WASL: variants seen among roughly 807,000 people sequenced by gnomAD.
WASL encodes the protein actin nucleation-promoting factor WASL.
Under a neutral mutation model 55.5 loss-of-function variants are expected in WASL, and 20 were observed. The ratio of observed to expected loss-of-function variants is 0.36; its 90% CI spans 0.25 to 0.52. The LOEUF (loss-of-function observed/expected upper bound fraction) is 0.52, where lower values mean the gene tolerates loss of function less well. Among genes scored for constraint, WASL ranks in the 20% least tolerant of loss-of-function variants. WASL has a pLI of 0.92. For missense variants in WASL, 504 were observed against 622.5 expected (o/e 0.81, Z 2.03); for synonymous variants, 249 against 217.6 (o/e 1.14, Z -1.27).
intron 10 of WASL, among the ~76,000 whole-genome samples, chr7:123,687,677 G>A (rs1803315245): frequency 6.6e-6 from 1 of 151,548 alleles, no homozygotes; most frequent in South Asian, 2.1e-4. Flanking sequence ...TTAACATACT[G>A]TATGTTTTTC....
At chr7:123,691,693 T>G (rs1021584522) in intron 9 of WASL, among the ~76,000 whole-genome samples, 8 of 152,198 alleles carry the variant, frequency 5.3e-5, no homozygotes, top group African/African-American at 1.9e-4. Flanking sequence ...ACCTGTAAGA[T>G]TAAATGATTA....
At chr7:123,737,839 T>G (rs1357024242) in intron 1 of WASL, among the ~76,000 whole-genome samples, 1 of 152,170 alleles carries the variant, frequency 6.6e-6, no homozygotes, top group Non-Finnish European at 1.5e-5. Flanking sequence ...AATAGAAAGA[T>G]TATTCCACTT....
intron 1 of WASL, among the ~76,000 whole-genome samples, chr7:123,745,299 A>G (rs1170334275): frequency 6.6e-6 from 1 of 152,038 alleles, no homozygotes; most frequent in Non-Finnish European, 1.5e-5. Context: ...TTCCCTCACA[A>G]TCCTCAATCC....
At chr7:123,691,435 T>C (rs1190311669) in intron 9 of WASL, among the ~76,000 whole-genome samples, 1 of 152,224 alleles carries the variant, frequency 6.6e-6, no homozygotes, top group Non-Finnish European at 1.5e-5. Context: ...TTTTACATTT[T>C]TAAATGGCTG....
intron 1 of WASL, among the ~76,000 whole-genome samples, chr7:123,725,574 TAAC>T (rs1804028446): frequency 1.3e-5 from 2 of 152,126 alleles, no homozygotes; most frequent in African/African-American, 4.8e-5. Context: ...AATATTAATA[TAAC>T]AACTGTCTAG....
chr7:123,708,956 A>G, intron 2 of WASL, 133 bp downstream of exon 2: 1 of 852,300 alleles, frequency 1.2e-6, no homozygotes, highest in Non-Finnish European at 1.6e-6. Flanking sequence ...CTAAAAACCA[A>G]GCTTCACTCT....
At chr7:123,734,927 T>C (rs1028188484) in intron 1 of WASL, among the ~76,000 whole-genome samples, 1 of 152,130 alleles carries the variant, frequency 6.6e-6, no homozygotes, top group Non-Finnish European at 1.5e-5. Flanking sequence ...CTTTGCACTT[T>C]CTGCACAATT....
chr7:123,690,726 C>T lies in WASL; in HGVS notation c.1348-1576G>A, dbSNP rs375432735. Among the ~76,000 whole-genome samples, 590 of 150,520 alleles carry T rather than the reference C, an allele frequency of 3.9e-3. 1 individual carries two copies. Among genetic ancestry groups the T allele is most frequent in the African/African-American group, 0.013 (538 of 41,044 alleles). ...AAATAAATGAGGATACAACTTTATT[C>T]GTTAAAAATTTTAAATCACCTTATT... On this transcript the variant is annotated intron_variant, in intron 9 of 10. Coordinates refer to ENST00000223023, the MANE Select transcript of WASL (RefSeq NM_003941.4).
chr7:123,711,298 A>C (rs1250493301), intron 1 of WASL, among the ~76,000 whole-genome samples: 13 of 152,298 alleles, frequency 8.5e-5, no homozygotes, highest in Admixed American at 8.5e-4. Flanking sequence ...AAAAAAACCC[A>C]AACTAAAAAA....
At chr7:123,727,692 A>G (rs756311869) in intron 1 of WASL, among the ~76,000 whole-genome samples, 23 of 152,312 alleles carry the variant, frequency 1.5e-4, no homozygotes, top group Non-Finnish European at 2.6e-4. Context: ...TAGACTCCCA[A>G]TGGAACTTTT....
chr7:123,723,654 G>A (rs1464524649), intron 1 of WASL, among the ~76,000 whole-genome samples: 1 of 152,146 alleles, frequency 6.6e-6, no homozygotes, highest in South Asian at 2.1e-4. Flanking sequence ...TCTCTCCCAG[G>A]AATTTAGAAT....
chr7:123,687,339 G>T (rs911297058), intron 10 of WASL, among the ~76,000 whole-genome samples: 2 of 152,074 alleles, frequency 1.3e-5, no homozygotes, highest in Non-Finnish European at 2.9e-5. Context: ...ACTTTCAGGG[G>T]TCTCCAAAGC....
intron 8 of WASL, 145 bp downstream of exon 8, chr7:123,694,570 C>G (rs867104203): frequency 2.9e-6 from 2 of 694,308 alleles, no homozygotes; most frequent in African/African-American, 3.8e-5. Flanking sequence ...TGTTAAGACA[C>G]AGTGTGATGG....
intron 1 of WASL, among the ~76,000 whole-genome samples, chr7:123,741,347 A>G (rs1002693819): frequency 6.6e-6 from 1 of 152,244 alleles, no homozygotes; most frequent in African/African-American, 2.4e-5. Flanking sequence ...TATATCAATT[A>G]CCCTATGGTA....
At chr7:123,704,543 A>G in intron 5 of WASL, 91 bp downstream of exon 5, 2 of 1,033,550 alleles carry the variant, frequency 1.9e-6, no homozygotes, top group Non-Finnish European at 1.4e-6. Context: ...TGTAAAAGAT[A>G]CTAAATATTA....
intron 1 of WASL, among the ~76,000 whole-genome samples, chr7:123,710,747 T>C (rs912267105): frequency 3.9e-5 from 6 of 152,156 alleles, no homozygotes; most frequent in Admixed American, 3.9e-4. Context: ...ACAAAAAATG[T>C]GTATCCTGGG....
chr7:123,691,586 G>A (rs1227007951), intron 9 of WASL, among the ~76,000 whole-genome samples: 1 of 152,164 alleles, frequency 6.6e-6, no homozygotes, highest in African/African-American at 2.4e-5. Flanking sequence ...CAGCAGAGCT[G>A]AGTGGTCACA....
At chr7:123,745,791 C>G (rs1281475854) in intron 1 of WASL, among the ~76,000 whole-genome samples, 2 of 151,960 alleles carry the variant, frequency 1.3e-5, no homozygotes, top group African/African-American at 4.8e-5. Context: ...TCCTTGCTCC[C>G]TAACAAACCT....
chr7:123,696,880 C>G (rs1803501789), intron 5 of WASL, 133 bp from the exon 6 acceptor site: 1 of 663,214 alleles, frequency 1.5e-6, no homozygotes, highest in South Asian at 7.1e-5. Context: ...TAAACTTCTA[C>G]ATTTTTTTCA....
Sources: allele counts gnomAD v4.1 joint callset (sites outside exome capture counted in the v4.1 genomes callset), GRCh38; gene constraint gnomAD v4.1.1; transcripts MANE v1.5; gene names NCBI Gene and HGNC (gene_info 2026-07-23, HGNC 2026-07-21).